The following MYSM1 variants were observed in gnomAD, a reference collection of about 807,000 sequenced individuals.
MYSM1 encodes the protein deubiquitinase MYSM1.
Under a neutral mutation model 116.0 loss-of-function variants are expected in MYSM1, and 51 were observed. That is an observed-to-expected ratio of 0.44 (90% CI 0.35 to 0.56). MYSM1 has a LOEUF of 0.56. Among genes scored for constraint, MYSM1 ranks in the 20% least tolerant of loss-of-function variants. MYSM1 has a pLI of 0.00. For missense variants in MYSM1, 900 were observed against 974.9 expected, an observed-to-expected ratio of 0.92 and a Z score of 1.02; for synonymous variants, 313 against 315.2, an observed-to-expected ratio of 0.99 and a Z score of 0.07.
chr1:58,675,666 G>A, intron 9 of MYSM1, 86 bp from the exon 10 acceptor site: 1 of 954,242 alleles, frequency 1.0e-6, no homozygotes, highest in Admixed American at 2.0e-5. Context: ...ACTGACTATA[G>A]TGGGGCTTCT....
chr1:58,676,526 T>C (rs529164190), intron 9 of MYSM1, among the ~76,000 whole-genome samples: 49 of 152,286 alleles, frequency 3.2e-4, no homozygotes, highest in African/African-American at 1.1e-3. Context: ...TTTTATCACA[T>C]GTAAGTGTAG....
At chr1:58,689,181 T>G in intron 5 of MYSM1, 65 bp from the exon 6 acceptor site, 1 of 1,235,312 alleles carries the variant, frequency 8.1e-7, no homozygotes, top group African/African-American at 1.5e-5. Flanking sequence ...TTTATGTAAC[T>G]AAAGGTTATA....
chr1:58,682,156 C>T lies in MYSM1; in HGVS notation c.888G>A (p.Leu296=), dbSNP rs201426559. 12 of 1,613,180 alleles carry T rather than the reference C, an allele frequency of 7.4e-6. No individual in the cohort carries two copies. In the Admixed American group the frequency reaches 1.8e-4, roughly 25 times the overall value. The part of the protein sequence containing the change: ...DETLSSSEIT[L]WTEKQSNGDK... ...CACCATTGCTCTGTTTCTCAGTCCA[C>T]AGTGTAATTTCTGAGCTTGAAAGTG... The change falls in exon 8 of 20, where the codon CTG becomes CTA. Residue 296 remains leucine, a synonymous_variant. Coordinates refer to ENST00000472487, the MANE Select transcript of MYSM1 (RefSeq NM_001085487.3).
In MYSM1 at chr1:58,655,649, G is replaced by A. The variant is rs1231043926; in HGVS notation, c.*4348C>T. 4 of 151,982 alleles carry A rather than the reference G, an allele frequency of 2.6e-5. No individual in the cohort carries two copies. Among genetic ancestry groups the A allele is most frequent in the African/African-American group, 9.7e-5 (4 of 41,390 alleles). The allele number at this position is 151,982 out of a possible 1,614,324, so 9.4% of individuals were successfully genotyped here. A position where few individuals can be genotyped will look rare whatever the true frequency, so the allele number is the denominator to read the frequency against. On this transcript the variant is annotated 3_prime_UTR_variant, in exon 20 of 20. Transcript: ENST00000472487. ...TAGCACATGAAGCCATTTAAGAAAA[G>A]GTCAGGAAATATATCCTAAAGTATA... is the stretch of plus-strand genomic sequence containing the variant.
At chr1:58,696,985 G>C (rs183605697) in intron 1 of MYSM1, among the ~76,000 whole-genome samples, 1 of 152,312 alleles carries the variant, frequency 6.6e-6, no homozygotes, top group East Asian at 1.9e-4. Context: ...GACTAGAACA[G>C]AATGGGGCCA....
At chr1:58,672,504 G>A (rs1343919193) in intron 11 of MYSM1, among the ~76,000 whole-genome samples, 1 of 152,030 alleles carries the variant, frequency 6.6e-6, no homozygotes, top group Non-Finnish European at 1.5e-5. Flanking sequence ...TGAAGACTGA[G>A]TTAATGTTTA....
At chr1:58,687,767 A>G (rs907548289) in intron 6 of MYSM1, among the ~76,000 whole-genome samples, 2 of 152,130 alleles carry the variant, frequency 1.3e-5, no homozygotes, top group African/African-American at 4.8e-5. Flanking sequence ...ACATCTTATC[A>G]ATGTCCTGCT....
intron 17 of MYSM1, among the ~76,000 whole-genome samples, chr1:58,663,386 A>G (rs2100591698): frequency 6.6e-6 from 1 of 152,334 alleles, no homozygotes; most frequent in Admixed American, 6.5e-5. Context: ...ATCACTAAAT[A>G]TATTTCCTGC....
chr1:58,676,812 C>T, intron 9 of MYSM1, 114 bp downstream of exon 9: 1 of 1,053,936 alleles, frequency 9.5e-7, no homozygotes, highest in Non-Finnish European at 1.3e-6. Flanking sequence ...TGTTACAGCA[C>T]CTCTGAATTC....
intron 2 of MYSM1, among the ~76,000 whole-genome samples, chr1:58,693,948 A>G (rs1460691539): frequency 6.6e-6 from 1 of 152,166 alleles, no homozygotes; most frequent in Non-Finnish European, 1.5e-5. Flanking sequence ...ACCTTGCCAC[A>G]TGCTGCCACT....
At chr1:58,682,685 CTTTTTTTTCTTTTCT>C (rs1383715108) in intron 7 of MYSM1, 140 bp from the exon 8 acceptor site, 12,981 of 328,008 alleles carry the variant, frequency 0.04, 10 homozygotes, top group East Asian at 0.048. Flanking sequence ...ATGCGCTTTT[CTTTTTTTTCTTTTCT>C]TTTTTTTTTT....
chr1:58,663,484 T>C (rs1644424100), intron 17 of MYSM1, among the ~76,000 whole-genome samples: 1 of 152,202 alleles, frequency 6.6e-6, no homozygotes, highest in Non-Finnish European at 1.5e-5. Context: ...AGGTATCCCA[T>C]GGCTTCTAGA....
chr1:58,698,340 T>A (rs980630302), intron 1 of MYSM1, among the ~76,000 whole-genome samples: 1 of 151,378 alleles, frequency 6.6e-6, no homozygotes, highest in African/African-American at 2.4e-5. Context: ...GACCTCGTGA[T>A]CTGCCCGCCT....
At position 58,657,164 on chromosome 1, in the gene MYSM1, T is replaced by C. The variant is rs944541582; in HGVS notation, c.*2833A>G. 1 of 152,134 alleles carries C rather than the reference T, an allele frequency of 6.6e-6. No individual in the cohort carries two copies. The highest frequency in any genetic ancestry group is 1.5e-5 in the Non-Finnish European group (1 of 68,034). 9.4% of individuals were successfully genotyped at this position (152,134 alleles called of 1,614,324 possible). On this transcript the variant is annotated 3_prime_UTR_variant, in exon 20 of 20. Coordinates refer to ENST00000472487, the MANE Select transcript of MYSM1 (RefSeq NM_001085487.3). The stretch of plus-strand genomic sequence containing the variant: ...TCCTGTTCCACTGGTTTTTCTTTTC[T>C]TGAATGTTACTTTGGAATTAGATTA...
intron 6 of MYSM1, among the ~76,000 whole-genome samples, chr1:58,687,573 T>G (rs1300679495): frequency 6.6e-6 from 1 of 152,174 alleles, no homozygotes; most frequent in Non-Finnish European, 1.5e-5. Context: ...TTTGTCGAAG[T>G]GAAACATTTC....
At chr1:58,663,990 C>T (rs1022231990) in intron 17 of MYSM1, among the ~76,000 whole-genome samples, 1 of 152,146 alleles carries the variant, frequency 6.6e-6, no homozygotes, top group Non-Finnish European at 1.5e-5. Context: ...TGTTTAAATA[C>T]CATTATTTTA....
rs955605410 is a variant in MYSM1 at position 58,690,864 on chromosome 1, G to GAAT, written c.219-450_219-448dup. ...TGGTTGGTTGTCCAAGGCAATTCGG[G>GAAT]AATAATTTTCCACATTTCTAAAGCC... On this transcript the variant is annotated intron_variant, in intron 3 of 19. Coordinates refer to ENST00000472487, the MANE Select transcript of MYSM1 (RefSeq NM_001085487.3). 2.6e-5 allele frequency among the ~76,000 whole-genome samples: 4 copies of GAAT among 152,138 alleles called. No homozygotes were observed. In the East Asian group the frequency reaches 7.7e-4, roughly 29 times the overall value.
At chr1:58,697,008 G>A (rs1294671138) in intron 1 of MYSM1, among the ~76,000 whole-genome samples, 3 of 152,176 alleles carry the variant, frequency 2.0e-5, no homozygotes, top group African/African-American at 4.8e-5. Flanking sequence ...GAGACGAGGA[G>A]CAGTTAAGAG....
chr1:58,682,526 T>C lies in MYSM1; in HGVS notation c.518A>G (p.Lys173Arg). The C allele has an allele frequency of 3.1e-6, 5 of 1,609,896 alleles. No homozygotes were observed. In the Middle Eastern group the frequency reaches 5.0e-4, roughly 160 times the overall value. The stretch of plus-strand genomic sequence containing the variant: ...GCCGGTCTTCTGATTTGGTGTTTCT[T>C]TATCCAGACCGCATTTGACCTTATT... ...FKNKVKCGLD[K>R]ETPNQKTGHN... The change falls in exon 8 of 20, where the codon AAA becomes AGA. Residue 173 changes from lysine (K) to arginine (R), a missense_variant. Lys to Arg is a conservative substitution (Grantham distance 26, BLOSUM62 2). Transcript: ENST00000472487.
Sources: allele counts gnomAD v4.1 joint callset (sites outside exome capture counted in the v4.1 genomes callset), GRCh38; gene constraint gnomAD v4.1.1; transcripts MANE v1.5; gene names NCBI Gene and HGNC (gene_info 2026-07-23, HGNC 2026-07-21).